Variants in ABCG8 observed in about 807,000 individuals in gnomAD.
ABCG8 encodes ATP-binding cassette sub-family G member 8.
ABCG8 carries 81 observed loss-of-function variants against 71.3 expected under a neutral mutation model. The ratio of observed to expected loss-of-function variants is 1.14; its 90% CI spans 0.95 to 1.37. ABCG8 has a LOEUF of 1.37. ABCG8 is among the 40% of genes most tolerant of loss of function. The pLI, the probability that ABCG8 is intolerant of heterozygous loss-of-function variation, is 0.00. For missense variants in ABCG8, 1,119 were observed against 866.2 expected (o/e 1.29, Z -3.66); for synonymous variants, 451 against 354.7 (o/e 1.27, Z -3.05).
intron 3 of ABCG8, among the ~76,000 whole-genome samples, chr2:43,849,748 C>G (rs1668856433): frequency 6.6e-6 from 1 of 152,160 alleles, no homozygotes; most frequent in Non-Finnish European, 1.5e-5. Context: ...AAGCTTCTCT[C>G]CCAGGTTTCT....
intron 6 of ABCG8, among the ~76,000 whole-genome samples, chr2:43,856,037 G>A (rs1254850059): frequency 6.6e-6 from 1 of 151,468 alleles, no homozygotes; most frequent in African/African-American, 2.4e-5. Flanking sequence ...TCACTCTCTG[G>A]ATAGAACTCT....
At chr2:43,857,649 G>C (rs183472546) in intron 6 of ABCG8, among the ~76,000 whole-genome samples, 1 of 151,342 alleles carries the variant, frequency 6.6e-6, no homozygotes, top group African/African-American at 2.4e-5. Context: ...CTCAATAAAT[G>C]GTAGAATTCT....
At chr2:43,875,038 T>C in intron 10 of ABCG8, 108 bp from the exon 11 acceptor site, 1 of 1,497,506 alleles carries the variant, frequency 6.7e-7, no homozygotes, top group African/African-American at 1.4e-5. Flanking sequence ...AGCCTCATCA[T>C]CACCAGGAGG....
At chr2:43,863,625 T>C (rs1020307618) in intron 6 of ABCG8, among the ~76,000 whole-genome samples, 1 of 151,318 alleles carries the variant, frequency 6.6e-6, no homozygotes, top group African/African-American at 2.4e-5. Context: ...AGGATAAAAT[T>C]CTCACCATCT....
At chr2:43,846,066 C>A in intron 2 of ABCG8, 89 bp from the exon 3 acceptor site, 1 of 1,422,034 alleles carries the variant, frequency 7.0e-7, no homozygotes, top group Non-Finnish European at 9.9e-7. Context: ...GGAGAGGGGC[C>A]ACCTGGGGAA....
intron 6 of ABCG8, among the ~76,000 whole-genome samples, chr2:43,858,323 T>A (rs1219659403): frequency 6.6e-6 from 1 of 150,402 alleles, no homozygotes; most frequent in East Asian, 1.9e-4. Flanking sequence ...TCTCACTATC[T>A]TTCTTGATAG....
intron 6 of ABCG8, among the ~76,000 whole-genome samples, chr2:43,862,262 A>T (rs1388459999): frequency 6.8e-6 from 1 of 147,504 alleles, no homozygotes; most frequent in East Asian, 1.9e-4. Context: ...GCATCTGGAT[A>T]GAACTCTCAC....
At chr2:43,859,535 C>T (rs58076853) in intron 6 of ABCG8, among the ~76,000 whole-genome samples, 7,855 of 150,908 alleles carry the variant, frequency 0.052, 243 homozygotes, top group Middle Eastern at 0.11. Flanking sequence ...CTGGATAGAT[C>T]TCTCACTATT....
At chr2:43,875,462 A>G in intron 11 of ABCG8, 49 bp downstream of exon 11, 1 of 1,592,256 alleles carries the variant, frequency 6.3e-7, no homozygotes, top group Non-Finnish European at 8.6e-7. Context: ...GACTCATGTG[A>G]CTGGATGAAG....
chr2:43,865,170 T>C (rs1669482299), intron 6 of ABCG8, among the ~76,000 whole-genome samples: 1 of 151,664 alleles, frequency 6.6e-6, no homozygotes. Flanking sequence ...CTATGTAGAA[T>C]TCTCAACATC....
chr2:43,859,236 G>A (rs546757134), intron 6 of ABCG8, among the ~76,000 whole-genome samples: 1 of 151,326 alleles, frequency 6.6e-6, no homozygotes, highest in Non-Finnish European at 1.5e-5. Context: ...TATCTGGATA[G>A]AATTCTCACA....
chr2:43,873,108 A>G (rs369523702), intron 8 of ABCG8, among the ~76,000 whole-genome samples: 2 of 151,924 alleles, frequency 1.3e-5, no homozygotes, highest in Middle Eastern at 6.8e-3. Context: ...TCACCCACCC[A>G]TTAAGTCCAT....
intron 3 of ABCG8, among the ~76,000 whole-genome samples, chr2:43,850,548 T>C (rs1396364180): frequency 2.0e-5 from 3 of 152,204 alleles, no homozygotes; most frequent in African/African-American, 7.2e-5. Flanking sequence ...GATTATTTAA[T>C]CACCCAGGTA....
In ABCG8 at chr2:43,876,335, G is replaced by T. The variant is rs150328114; in HGVS notation, c.1756+922G>T. ...TGCTCATCAGAGAACTTGGGCCAGA[G>T]CCACCATGGCCCTGTCTCAGAGAGT... On this transcript the variant is annotated intron_variant, in intron 11 of 12. Coordinates refer to ENST00000272286, the MANE Select transcript of ABCG8 (RefSeq NM_022437.3). Among the ~76,000 whole-genome samples the T allele has an allele frequency of 2.3e-3, 349 of 152,338 alleles. 1 individual carries two copies. The highest frequency in any genetic ancestry group is 3.8e-3 in the Non-Finnish European group (259 of 68,030).
chr2:43,857,186 G>A (rs1669141867), intron 6 of ABCG8, among the ~76,000 whole-genome samples: 1 of 151,550 alleles, frequency 6.6e-6, no homozygotes, highest in South Asian at 2.1e-4. Flanking sequence ...TATCTATCTG[G>A]ACAGAATTCT....
intron 6 of ABCG8, among the ~76,000 whole-genome samples, 179 bp downstream of exon 6, chr2:43,853,047 G>A (rs1394380663): frequency 1.3e-5 from 2 of 152,092 alleles, no homozygotes; most frequent in African/African-American, 4.8e-5. Context: ...TAGAAATGAG[G>A]GCCTGGAAAT....
chr2:43,866,204 T>C (rs1023663822), intron 6 of ABCG8, among the ~76,000 whole-genome samples: 10 of 151,716 alleles, frequency 6.6e-5, no homozygotes, highest in African/African-American at 2.2e-4. Context: ...TCAAGATGGA[T>C]TAAAGAGTTA....
At chr2:43,854,048 C>T (rs985343238) in intron 6 of ABCG8, among the ~76,000 whole-genome samples, 8 of 152,236 alleles carry the variant, frequency 5.3e-5, no homozygotes, top group African/African-American at 1.7e-4. Flanking sequence ...GCCGACCTGG[C>T]CATCGGGGAA....
At chr2:43,854,200 G>A (rs1384722726) in intron 6 of ABCG8, among the ~76,000 whole-genome samples, 2 of 152,204 alleles carry the variant, frequency 1.3e-5, no homozygotes, top group Admixed American at 6.5e-5. Flanking sequence ...ACCAACCTGG[G>A]ATGCAAGAGC....
Sources: gnomAD v4.1 joint callset for allele counts (sites outside exome capture counted in the v4.1 genomes callset) on GRCh38, gnomAD v4.1.1 for gene constraint, MANE v1.5 for transcripts, NCBI Gene and HGNC (gene_info 2026-07-23, HGNC 2026-07-21) for gene names.